The following DENND2A variants were observed in gnomAD, a reference collection of about 807,000 sequenced individuals.
DENND2A encodes DENN domain containing 2A, also known as DENN domain-containing protein 2A.
A neutral mutation model predicts 105.3 loss-of-function variants in DENND2A; 53 were observed. The observed-to-expected ratio is 0.50, with a 90% CI of 0.40 to 0.63. The LOEUF (loss-of-function observed/expected upper bound fraction) is 0.63. DENND2A is among the 30% of genes least tolerant of loss of function. DENND2A has a pLI of 0.00. For synonymous variants in DENND2A, 522 were observed against 508.4 expected (o/e 1.03, Z -0.36); for missense variants, 1,138 against 1,279.6 (o/e 0.89, Z 1.69).
At chr7:140,580,461 A>G (rs1181586770) in intron 5 of DENND2A, among the ~76,000 whole-genome samples, 1 of 152,260 alleles carries the variant, frequency 6.6e-6, no homozygotes, top group Non-Finnish European at 1.5e-5. Context: ...TTAGGACTAC[A>G]GGCATGCACC....
intron 1 of DENND2A, among the ~76,000 whole-genome samples, chr7:140,611,190 C>T (rs888649971): frequency 6.6e-6 from 1 of 152,180 alleles, no homozygotes; most frequent in African/African-American, 2.4e-5. Flanking sequence ...TACAGGCATG[C>T]GCCACCACAA....
chr7:140,566,684 A>ATT (rs3043058), intron 9 of DENND2A, among the ~76,000 whole-genome samples: 4,400 of 113,106 alleles, frequency 0.039, 160 homozygotes, highest in African/African-American at 0.059. Context: ...TGGCCATACT[A>ATT]TTTTTTTTTT....
intron 4 of DENND2A, among the ~76,000 whole-genome samples, chr7:140,586,569 T>G (rs28615560): frequency 8.7e-4 from 131 of 151,412 alleles, no homozygotes; most frequent in East Asian, 3.1e-3. Flanking sequence ...AAATAAAAAA[T>G]AAAAAAGAAA....
intron 1 of DENND2A, among the ~76,000 whole-genome samples, chr7:140,611,509 G>C (rs1799898120): frequency 6.6e-6 from 1 of 152,104 alleles, no homozygotes; most frequent in African/African-American, 2.4e-5. Context: ...CTGCACTCCA[G>C]CCTACACAAC....
intron 5 of DENND2A, among the ~76,000 whole-genome samples, chr7:140,579,624 C>T (rs1200165885): frequency 6.6e-6 from 1 of 151,910 alleles, no homozygotes; most frequent in Non-Finnish European, 1.5e-5. Flanking sequence ...AACTCCTGAC[C>T]TCAGTTGATT....
rs553240447 is a variant in DENND2A, at chr7:140,545,828, A to G, written c.2178+971T>C. ...TGTTGCACCGCCTGGTGCTGCCCCA[A>G]CGGTGAGGCTTCCTCTCCAGTAACC... On this transcript the variant is annotated intron_variant, in intron 13 of 19. Transcript: ENST00000496613. Among the ~76,000 whole-genome samples the G allele has an allele frequency of 1.2e-4, 19 of 152,106 alleles. 3 individuals carry two copies. In the South Asian group the frequency reaches 3.7e-3, roughly 30 times the overall value.
At chr7:140,561,669 ATTTTTTT>A (rs1242616480) in intron 9 of DENND2A, among the ~76,000 whole-genome samples, 145 of 94,414 alleles carry the variant, frequency 1.5e-3, no homozygotes, top group Middle Eastern at 0.011. Context: ...ACACCTAGCT[ATTTTTTT>A]TTTTTTTTTT....
At chr7:140,537,152 C>A (rs1464898644) in intron 14 of DENND2A, among the ~76,000 whole-genome samples, 2 of 152,164 alleles carry the variant, frequency 1.3e-5, no homozygotes, top group Non-Finnish European at 2.9e-5. Context: ...GTGAGAAGCC[C>A]AACCTCCTGG....
intron 3 of DENND2A, among the ~76,000 whole-genome samples, chr7:140,592,444 G>A (rs151206073): frequency 0.016 from 2,492 of 151,842 alleles, 67 homozygotes; most frequent in African/African-American, 0.056. Flanking sequence ...ATCTCCTGAC[G>A]TTGTGATCTG....
At chr7:140,622,985 T>C (rs147576638) in intron 1 of DENND2A, among the ~76,000 whole-genome samples, 203 of 152,144 alleles carry the variant, frequency 1.3e-3, no homozygotes, top group Middle Eastern at 6.8e-3. Flanking sequence ...GCCCAGGAAG[T>C]TTGGTGTGAA....
intron 1 of DENND2A, among the ~76,000 whole-genome samples, chr7:140,636,501 C>T (rs1360854544): frequency 6.6e-6 from 1 of 152,108 alleles, no homozygotes; most frequent in African/African-American, 2.4e-5. Flanking sequence ...CCCATGTGTC[C>T]CACCTGGGAT....
chr7:140,538,192 G>A (rs1354583592), intron 14 of DENND2A, among the ~76,000 whole-genome samples: 3 of 152,176 alleles, frequency 2.0e-5, no homozygotes, highest in Non-Finnish European at 4.4e-5. Flanking sequence ...CTTGCAGTGG[G>A]AGACTCACAG....
intron 2 of DENND2A, among the ~76,000 whole-genome samples, chr7:140,605,256 C>T (rs1303371585): frequency 6.6e-6 from 1 of 152,172 alleles, no homozygotes; most frequent in African/African-American, 2.4e-5. Context: ...AAGAACCCCT[C>T]AGTGGCTGCC....
intron 19 of DENND2A, 70 bp downstream of exon 19, chr7:140,519,562 A>T (rs932679862): frequency 7.1e-7 from 1 of 1,411,530 alleles, no homozygotes; most frequent in African/African-American, 1.4e-5. Context: ...CAGTGGAGGG[A>T]ACCGGCTGGG....
chr7:140,543,364 C>T (rs1207652025), intron 14 of DENND2A, among the ~76,000 whole-genome samples: 1 of 149,650 alleles, frequency 6.7e-6, no homozygotes, highest in Non-Finnish European at 1.5e-5. Context: ...CAAACTACTT[C>T]CCTCAAGCAG....
chr7:140,610,125 GT>G (rs1364888874), intron 1 of DENND2A, among the ~76,000 whole-genome samples: 7 of 127,820 alleles, frequency 5.5e-5, no homozygotes. Context: ...ACCACCACAT[GT>G]GGCTAATTAA....
At chr7:140,587,946 C>T (rs1006379604) in intron 3 of DENND2A, among the ~76,000 whole-genome samples, 166 bp from the exon 4 acceptor site, 3 of 152,132 alleles carry the variant, frequency 2.0e-5, no homozygotes, top group Non-Finnish European at 2.9e-5. Flanking sequence ...AGTCTTGCTC[C>T]GTTGCCCAGG....
chr7:140,596,761 T>G (rs1373319245), intron 3 of DENND2A, among the ~76,000 whole-genome samples: 1 of 152,190 alleles, frequency 6.6e-6, no homozygotes, highest in Non-Finnish European at 1.5e-5. Flanking sequence ...TAAACTAAAA[T>G]TTAAAAATCT....
intron 15 of DENND2A, among the ~76,000 whole-genome samples, chr7:140,526,990 G>T (rs1432171451): frequency 6.6e-6 from 1 of 152,166 alleles, no homozygotes; most frequent in African/African-American, 2.4e-5. Context: ...CTCAATGTGG[G>T]GGAGTGGGCG....
Sources: gnomAD v4.1 joint callset for allele counts (sites outside exome capture counted in the v4.1 genomes callset) on GRCh38, gnomAD v4.1.1 for gene constraint, MANE v1.5 for transcripts, NCBI Gene and HGNC (gene_info 2026-07-23, HGNC 2026-07-21) for gene names.